The following PTPRE variants were observed in gnomAD, a reference collection of about 807,000 sequenced individuals.
PTPRE encodes protein tyrosine phosphatase receptor type E.
Under a neutral mutation model 102.0 loss-of-function variants are expected in PTPRE, and 51 were observed. That is an observed-to-expected ratio of 0.50 (90% CI 0.40 to 0.63). PTPRE has a LOEUF of 0.63. PTPRE is among the 30% of genes least tolerant of loss of function. PTPRE has a pLI of 0.00. For synonymous variants in PTPRE, 345 were observed against 348.2 expected (o/e 0.99, Z 0.10); for missense variants, 752 against 915.1 (o/e 0.82, Z 2.30).
intron 2 of PTPRE, among the ~76,000 whole-genome samples, chr10:128,020,124 G>A (rs757458197): frequency 2.6e-5 from 4 of 152,010 alleles, no homozygotes; most frequent in Non-Finnish European, 5.9e-5. Flanking sequence ...TTGTCAGATC[G>A]GAGGCAGAGT....
At chr10:128,082,226 G>A (rs1276262405) in intron 20 of PTPRE, among the ~76,000 whole-genome samples, 3 of 49,774 alleles carry the variant, frequency 6.0e-5, no homozygotes, top group African/African-American at 2.3e-4. Flanking sequence ...TTTTTTTTGA[G>A]ACAGGGTCTC....
chr10:128,070,916 G>T lies in PTPRE; in HGVS notation c.1387+15G>T. Reference sequence around the variant, plus strand: ...GATCATCCCGTGTAAGGCACCCGTGGCGTGGCTTGGGCAGGGCTGGGGCGG... The same window carrying T: ...GATCATCCCGTGTAAGGCACCCGTGTCGTGGCTTGGGCAGGGCTGGGGCGG... On this transcript the variant is annotated intron_variant, in intron 15 of 20. Coordinates refer to ENST00000254667, the MANE Select transcript of PTPRE (RefSeq NM_006504.6). This position sits in a 1 kb window ranked among gnomAD's most constrained non-coding sequence, Gnocchi z 4.8. 1 of 1,609,084 alleles carries T rather than the reference G, an allele frequency of 6.2e-7. No homozygotes were observed. Among genetic ancestry groups the T allele is most frequent in the Non-Finnish European group, 8.5e-7 (1 of 1,175,538 alleles).
chr10:127,933,896 G>A (rs1192080976), intron 1 of PTPRE, among the ~76,000 whole-genome samples: 1 of 152,098 alleles, frequency 6.6e-6, no homozygotes, highest in African/African-American at 2.4e-5. Context: ...TCCCTAATGG[G>A]CATGATAATC....
intron 2 of PTPRE, among the ~76,000 whole-genome samples, chr10:128,020,184 A>G (rs7915092): frequency 0.69 from 104,281 of 152,182 alleles, 36,121 homozygotes; most frequent in African/African-American, 0.77. Flanking sequence ...TTTCCACAGC[A>G]GACCTTCTTA....
In PTPRE at chr10:128,066,066, TC is replaced by T; in HGVS notation, c.724-7del. 6.2e-7 allele frequency: 1 copy of T among 1,614,148 alleles called. No individual in the cohort carries two copies. The highest frequency in any genetic ancestry group is 8.5e-7 in the Non-Finnish European group (1 of 1,180,008). The stretch of plus-strand genomic sequence containing the variant: ...GATCTATTTGCTTCTATTAAATTGT[TC>T]CGTGCAGGAAAAGTGCCATCAGTAC... On this transcript the variant is annotated splice_polypyrimidine_tract_variant and splice_region_variant and intron_variant, in intron 10 of 20. Transcript: ENST00000254667.
At chr10:127,990,870 CT>C (rs1421597990) in intron 2 of PTPRE, among the ~76,000 whole-genome samples, 1 of 152,080 alleles carries the variant, frequency 6.6e-6, no homozygotes, top group Non-Finnish European at 1.5e-5. Flanking sequence ...TGGTCATTTC[CT>C]TTTTATAATG....
intron 1 of PTPRE, among the ~76,000 whole-genome samples, chr10:127,981,926 C>T (rs1227415093): frequency 6.6e-6 from 1 of 152,096 alleles, no homozygotes; most frequent in Non-Finnish European, 1.5e-5. Context: ...GTAAAAGGCT[C>T]TTCTGGGGGG....
chr10:128,016,308 G>A (rs1845419473), intron 2 of PTPRE, among the ~76,000 whole-genome samples: 1 of 152,090 alleles, frequency 6.6e-6, no homozygotes, highest in Non-Finnish European at 1.5e-5. Context: ...TTTAGTCAGC[G>A]GGACCCAATT....
At chr10:128,053,545 C>A (rs1029815133) in intron 6 of PTPRE, among the ~76,000 whole-genome samples, 1 of 152,148 alleles carries the variant, frequency 6.6e-6, no homozygotes, top group African/African-American at 2.4e-5. Context: ...ATTCTGTGCA[C>A]TTGGATCCAG....
At chr10:128,031,780 G>A (rs1472796287) in intron 2 of PTPRE, among the ~76,000 whole-genome samples, 2 of 152,176 alleles carry the variant, frequency 1.3e-5, no homozygotes, top group Non-Finnish European at 2.9e-5. Flanking sequence ...GAATCAATAT[G>A]TGTTTTGTTG....
chr10:127,987,227 A>T, intron 2 of PTPRE: 1 of 802,022 alleles, frequency 1.2e-6, no homozygotes, highest in Non-Finnish European at 1.6e-6. Context: ...TTCCCCTAAG[A>T]GGAAATAGGA....
In PTPRE at chr10:127,947,971, G is replaced by A. The variant is rs572196369; in HGVS notation, c.-30-34303G>A. Among the ~76,000 whole-genome samples, 10 of 152,288 alleles carry A rather than the reference G, an allele frequency of 6.6e-5. No individual in the cohort carries two copies. In the East Asian group the frequency reaches 9.7e-4, roughly 15 times the overall value. ...ACCTTCTCATGTGACAGCATGGGAC[G>A]TGAGATGGGAAAGGCCCATCAGCTA... is the stretch of plus-strand genomic sequence containing the variant. On this transcript the variant is annotated intron_variant, in intron 1 of 20. Coordinates refer to ENST00000254667, the MANE Select transcript of PTPRE (RefSeq NM_006504.6).
At chr10:128,030,752 G>C (rs1846676442) in intron 2 of PTPRE, among the ~76,000 whole-genome samples, 1 of 152,104 alleles carries the variant, frequency 6.6e-6, no homozygotes, top group African/African-American at 2.4e-5. Context: ...GGAGACTCCT[G>C]GTCGCCCGCG....
At chr10:128,047,663 T>C (rs1848211400) in intron 4 of PTPRE, 101 bp from the exon 5 acceptor site, 2 of 1,613,858 alleles carry the variant, frequency 1.2e-6, no homozygotes, top group African/African-American at 2.7e-5. Flanking sequence ...GCAACAGGAG[T>C]AGCTTTTCCC....
At chr10:128,047,625 G>A (rs1299548608) in intron 4 of PTPRE, 136 bp downstream of exon 4, 1 of 1,614,094 alleles carries the variant, frequency 6.2e-7, no homozygotes, top group Non-Finnish European at 8.5e-7. Context: ...ACACACAGAG[G>A]CCAGGCCTTA....
At chr10:127,953,650 C>G (rs1217299209) in intron 1 of PTPRE, among the ~76,000 whole-genome samples, 1 of 152,224 alleles carries the variant, frequency 6.6e-6, no homozygotes, top group Non-Finnish European at 1.5e-5. Flanking sequence ...ATGCTGCCTT[C>G]TCTCTCTTGC....
chr10:127,998,666 G>A (rs1169899868), intron 2 of PTPRE: 1 of 152,172 alleles, frequency 6.6e-6, no homozygotes, highest in Non-Finnish European at 1.5e-5. Flanking sequence ...GACGTGCTGC[G>A]TTGGTGCGTT....
intron 2 of PTPRE, among the ~76,000 whole-genome samples, chr10:128,004,323 A>G (rs1202731528): frequency 6.6e-6 from 1 of 151,954 alleles, no homozygotes; most frequent in Non-Finnish European, 1.5e-5. Context: ...CGTTTTGTAC[A>G]TTCACAGTGT....
intron 5 of PTPRE, 143 bp downstream of exon 5, chr10:128,047,980 C>G: frequency 1.3e-6 from 1 of 797,342 alleles, no homozygotes; most frequent in Non-Finnish European, 1.9e-6. Context: ...TGGTATGATG[C>G]TGTCATTTAG....
Sources: allele counts gnomAD v4.1 joint callset (sites outside exome capture counted in the v4.1 genomes callset), GRCh38; gene constraint gnomAD v4.1.1; non-coding constraint Gnocchi (gnomAD v3.1); transcripts MANE v1.5; gene names NCBI Gene and HGNC (gene_info 2026-07-23, HGNC 2026-07-21).